Variants in COL6A5 observed in about 807,000 individuals in gnomAD.
COL6A5 encodes collagen type VI alpha 5 chain.
COL6A5 carries 48 observed loss-of-function variants against 65.6 expected under a neutral mutation model. The observed-to-expected ratio is 0.73, with a 90% CI of 0.58 to 0.93. The LOEUF (loss-of-function observed/expected upper bound fraction) is 0.93, where lower values mean the gene tolerates loss of function less well. COL6A5 is among the 40% of genes least tolerant of loss of function. The probability of loss-of-function intolerance (pLI) is 0.00; values close to 1 mark genes in which losing one functional copy is unlikely to be tolerated. For missense variants in COL6A5, 914 were observed against 928.3 expected (o/e 0.98, Z 0.20); for synonymous variants, 291 against 322.8 (o/e 0.90, Z 1.05).
At chr3:130,478,687 G>A (rs1710157467) in intron 7 of COL6A5, among the ~76,000 whole-genome samples, 3 of 151,986 alleles carry the variant, frequency 2.0e-5, no homozygotes. Flanking sequence ...TATGTGGGGT[G>A]GGGTGCAGTG....
upstream of COL6A5, among the ~76,000 whole-genome samples, chr3:130,430,244 A>G (rs1937745512): frequency 6.6e-6 from 1 of 152,356 alleles, no homozygotes; most frequent in Non-Finnish European, 1.5e-5. Flanking sequence ...TAAGTGCTCA[A>G]TACAACTTCA....
At chr3:130,376,142 C>T in intron 2 of COL6A5, 95 bp from the exon 3 acceptor site, 1 of 1,287,624 alleles carries the variant, frequency 7.8e-7, no homozygotes, top group Non-Finnish European at 1.0e-6. Context: ...CTGATATACA[C>T]TTAACACCAG....
chr3:130,439,300 A>G (rs561522639), intron 1 of COL6A5, among the ~76,000 whole-genome samples: 3 of 151,100 alleles, frequency 2.0e-5, no homozygotes, highest in East Asian at 3.9e-4. Context: ...TACTTGTTCT[A>G]TAGATACTTT....
upstream of COL6A5, chr3:130,431,336 C>T (rs1451110784): frequency 9.8e-7 from 1 of 1,022,714 alleles, no homozygotes; most frequent in Non-Finnish European, 1.5e-6. Flanking sequence ...ACATGGGTAC[C>T]TTTAGTTCTA....
chr3:130,361,798 C>T (rs1458917646), intron 1 of COL6A5, among the ~76,000 whole-genome samples: 2 of 152,002 alleles, frequency 1.3e-5, no homozygotes, highest in Admixed American at 1.3e-4. Context: ...GCATCTTACT[C>T]TTTTAATTTG....
At chr3:130,453,811 T>G (rs928382674) in intron 4 of COL6A5, among the ~76,000 whole-genome samples, 5 of 152,126 alleles carry the variant, frequency 3.3e-5, no homozygotes, top group Admixed American at 2.6e-4. Flanking sequence ...AGATAAGGTC[T>G]CTTTGATACA....
At chr3:130,458,328 G>T (rs960352692) in intron 5 of COL6A5, among the ~76,000 whole-genome samples, 5 of 152,094 alleles carry the variant, frequency 3.3e-5, no homozygotes, top group Admixed American at 3.3e-4. Context: ...GGAGGAGAAA[G>T]CTACAAACTT....
rs961419169 is a variant in COL6A5 at position 130,397,534 on chromosome 3, C to T, written c.3569-49C>T. 4.2e-6 allele frequency: 6 copies of T among 1,427,832 alleles called. No homozygotes were observed. The Admixed American group carries it at 1.1e-4, about 26-fold the overall frequency. 88.4% of individuals were successfully genotyped at this position (1,427,832 alleles called of 1,614,324 possible). ...TCCTTTTTTCTGCCGTCTCTCCTTC[C>T]TTACTCCTGTCTACTCGTTAATCTT... On this transcript the variant is annotated intron_variant and NMD_transcript_variant, in intron 8 of 41. Coordinates refer to the COL6A5 transcript ENST00000312481.
chr3:130,466,962 C>T (rs986881767), intron 5 of COL6A5, among the ~76,000 whole-genome samples: 10 of 152,012 alleles, frequency 6.6e-5, no homozygotes, highest in African/African-American at 2.4e-4. Flanking sequence ...TTCAAATCTT[C>T]CCATAAAGAA....
chr3:130,453,004 AC>A (rs1351462433), intron 4 of COL6A5, among the ~76,000 whole-genome samples: 1 of 152,080 alleles, frequency 6.6e-6, no homozygotes, highest in Non-Finnish European at 1.5e-5. Context: ...GTTTAAGGTT[AC>A]CTCTCTTGTT....
chr3:130,468,819 A>G (rs1207271761), exon 6 of COL6A5: 1 of 1,609,178 alleles, frequency 6.2e-7, no homozygotes, highest in African/African-American at 1.3e-5. Context: ...GGCAGAAAAG[A>G]AGAACCAGAT....
chr3:130,351,638 A>AATTG, intron 1 of COL6A5, among the ~76,000 whole-genome samples: 1 of 152,234 alleles, frequency 6.6e-6, no homozygotes, highest in Non-Finnish European at 1.5e-5. Flanking sequence ...AATGGTGATC[A>AATTG]TTAAAAAGTC....
intron 29 of COL6A5, among the ~76,000 whole-genome samples, chr3:130,425,439 C>T (rs1269552387): frequency 2.0e-5 from 3 of 152,080 alleles, no homozygotes; most frequent in African/African-American, 7.2e-5. Context: ...AGTGAGCATA[C>T]AGGCATTCAT....
rs1180673453 is a variant in COL6A5, at chr3:130,426,360, T to C, written c.5200-7T>C. On this transcript the variant is annotated splice_polypyrimidine_tract_variant and splice_region_variant and intron_variant and NMD_transcript_variant, in intron 30 of 41. Transcript: ENST00000312481. ...TTCTTTTCTCTCTCCTTTTTCAACATTTACAGCAATGTGATCTGATCCGGT... is the reference window on the plus strand; with the variant it reads ...TTCTTTTCTCTCTCCTTTTTCAACACTTACAGCAATGTGATCTGATCCGGT... 6.4e-7 allele frequency: 1 copy of C among 1,551,378 alleles called. No homozygotes were observed. Among genetic ancestry groups the C allele is most frequent in the South Asian group, 1.2e-5 (1 of 84,064 alleles).
intron 1 of COL6A5, among the ~76,000 whole-genome samples, chr3:130,363,380 A>G (rs969407678): frequency 5.9e-5 from 9 of 152,328 alleles, no homozygotes; most frequent in African/African-American, 1.9e-4. Flanking sequence ...GAAGCATTCT[A>G]TAGTTCTCTG....
chr3:130,345,821 TGCGGC>T (rs1934444059), exon 1 of COL6A5: 3 of 395,950 alleles, frequency 7.6e-6, no homozygotes, highest in South Asian at 2.6e-4. Context: ...GACCAGGGCG[TGCGGC>T]GCGGACCAGG....
chr3:130,395,445 G>T (rs1274374166), exon 8 of COL6A5: 2 of 1,543,554 alleles, frequency 1.3e-6, no homozygotes, highest in Non-Finnish European at 1.7e-6. Flanking sequence ...CGTGAAATCT[G>T]CCAGAGCTGT....
intron 4 of COL6A5, among the ~76,000 whole-genome samples, chr3:130,445,322 G>A (rs1459216123): frequency 1.3e-5 from 2 of 152,302 alleles, no homozygotes; most frequent in South Asian, 4.1e-4. Context: ...ATTCCTTCTC[G>A]AGCTCGAACC....
chr3:130,476,583 T>C (rs1190232999), intron 7 of COL6A5, among the ~76,000 whole-genome samples: 2 of 152,080 alleles, frequency 1.3e-5, no homozygotes, highest in Non-Finnish European at 2.9e-5. Flanking sequence ...AGGCATCAGT[T>C]CTTTTGTTTT....
Sources: gnomAD v4.1 joint callset for allele counts (sites outside exome capture counted in the v4.1 genomes callset) on GRCh38, gnomAD v4.1.1 for gene constraint, MANE v1.5 for transcripts, NCBI Gene and HGNC (gene_info 2026-07-23, HGNC 2026-07-21) for gene names.